PRKCA: variants seen among roughly 807,000 people sequenced by gnomAD.
PRKCA encodes protein kinase C alpha type.
In PRKCA, 27 loss-of-function variants were observed where a neutral mutation model predicts 87.0. That is an observed-to-expected ratio of 0.31 (90% CI 0.23 to 0.43). PRKCA has a LOEUF of 0.43. PRKCA is among the 20% of genes least tolerant of loss of function. PRKCA has a pLI of 1.00. For synonymous variants in PRKCA, 329 were observed against 311.1 expected (o/e 1.06, Z -0.61); for missense variants, 518 against 852.3 (o/e 0.61, Z 4.88).
At chr17:66,677,256 T>G (rs1225035084) in intron 5 of PRKCA, 2 of 152,102 alleles carry the variant, frequency 1.3e-5, no homozygotes, top group Admixed American at 1.3e-4. Flanking sequence ...ATTATTTGTA[T>G]TTTAATAGAG....
intron 2 of PRKCA, among the ~76,000 whole-genome samples, chr17:66,387,338 G>A (rs1002171228): frequency 6.6e-6 from 1 of 152,084 alleles, no homozygotes; most frequent in Non-Finnish European, 1.5e-5. Flanking sequence ...TCTGTCACAG[G>A]GTCAGATCAC....
chr17:66,443,738 A>G (rs1424523541), intron 2 of PRKCA, among the ~76,000 whole-genome samples: 3 of 132,238 alleles, frequency 2.3e-5, no homozygotes, highest in Admixed American at 1.7e-4. Flanking sequence ...ACCGCAGAGG[A>G]TGGAGGAAAG....
intron 3 of PRKCA, among the ~76,000 whole-genome samples, chr17:66,608,820 A>T (rs1970277145): frequency 6.6e-6 from 1 of 152,204 alleles, no homozygotes; most frequent in South Asian, 2.1e-4. Flanking sequence ...GGTAATGGGT[A>T]CTTAGGGATC....
At chr17:66,590,870 C>T (rs964036156) in intron 3 of PRKCA, among the ~76,000 whole-genome samples, 7 of 151,912 alleles carry the variant, frequency 4.6e-5, no homozygotes, top group East Asian at 1.9e-4. Flanking sequence ...AAGTGGATGC[C>T]GGTCCTGAAA....
intron 3 of PRKCA, among the ~76,000 whole-genome samples, chr17:66,592,950 A>T (rs140681202): frequency 1.0e-3 from 159 of 152,026 alleles, no homozygotes; most frequent in Non-Finnish European, 1.9e-3. Flanking sequence ...GTGCCACCAC[A>T]CTCAGATAAT....
chr17:66,366,480 G>A (rs1908733833), intron 2 of PRKCA, among the ~76,000 whole-genome samples: 1 of 152,302 alleles, frequency 6.6e-6, no homozygotes, highest in East Asian at 1.9e-4. Context: ...AGGCGATTGG[G>A]CAGTTTTGTT....
At chr17:66,384,171 C>T (rs890220992) in intron 2 of PRKCA, among the ~76,000 whole-genome samples, 9 of 152,044 alleles carry the variant, frequency 5.9e-5, no homozygotes, top group Non-Finnish European at 8.8e-5. Context: ...AAACTTCTGC[C>T]CGCACTTTAG....
At chr17:66,649,694 A>G (rs1008203486) in intron 5 of PRKCA, among the ~76,000 whole-genome samples, 3 of 152,222 alleles carry the variant, frequency 2.0e-5, no homozygotes, top group South Asian at 2.1e-4. Context: ...TGAACCCACA[A>G]TCAGCACCCC....
chr17:66,425,357 G>A (rs1456032051), intron 2 of PRKCA, among the ~76,000 whole-genome samples: 1 of 151,918 alleles, frequency 6.6e-6, no homozygotes, highest in Non-Finnish European at 1.5e-5. Context: ...CAGGCTTACT[G>A]TCCTCACTTT....
intron 3 of PRKCA, among the ~76,000 whole-genome samples, chr17:66,621,901 G>A (rs1196538590): frequency 2.6e-5 from 4 of 152,308 alleles, no homozygotes; most frequent in Middle Eastern, 3.4e-3. Context: ...GAAGAAAAGG[G>A]TCTTTAAAAA....
At chr17:66,451,343 A>AATTAATTTGTTT (rs146230545) in intron 2 of PRKCA, among the ~76,000 whole-genome samples, 1 of 144,872 alleles carries the variant, frequency 6.9e-6, no homozygotes, top group Admixed American at 6.8e-5. Flanking sequence ...ACGGAGTTAG[A>AATTAATTTGTTT]ATTTATTTAT....
intron 2 of PRKCA, among the ~76,000 whole-genome samples, chr17:66,311,548 T>C (rs1216553108): frequency 6.6e-6 from 1 of 152,004 alleles, no homozygotes; most frequent in Non-Finnish European, 1.5e-5. Context: ...GCCTGGGAGG[T>C]CGAGGATGCA....
At chr17:66,581,220 A>C (rs1969420564) in intron 3 of PRKCA, among the ~76,000 whole-genome samples, 1 of 152,210 alleles carries the variant, frequency 6.6e-6, no homozygotes. Flanking sequence ...GCCAAGGGCC[A>C]GCTAGTAAAT....
intron 13 of PRKCA, among the ~76,000 whole-genome samples, chr17:66,761,100 A>C (rs1017323369): frequency 1.8e-4 from 28 of 152,194 alleles, no homozygotes; most frequent in African/African-American, 6.3e-4. Flanking sequence ...GGCTGGGCGC[A>C]GTGGCTCACA....
At chr17:66,643,135 A>G (rs1000429602) in intron 4 of PRKCA, among the ~76,000 whole-genome samples, 6 of 152,216 alleles carry the variant, frequency 3.9e-5, no homozygotes, top group African/African-American at 1.4e-4. Context: ...GTGCATATGT[A>G]AATATATTTT....
chr17:66,665,021 A>C (rs960758602), intron 5 of PRKCA, among the ~76,000 whole-genome samples: 2 of 152,022 alleles, frequency 1.3e-5, no homozygotes, highest in African/African-American at 4.8e-5. Flanking sequence ...CAGGATTTTT[A>C]TGGGTCTTAT....
chr17:66,437,201 A>G (rs1913442399), intron 2 of PRKCA, among the ~76,000 whole-genome samples: 1 of 152,182 alleles, frequency 6.6e-6, no homozygotes, highest in Non-Finnish European at 1.5e-5. Context: ...CAGAGGAGAA[A>G]GGCCCTGCTG....
At chr17:66,716,550 C>T (rs185060239) in intron 8 of PRKCA, among the ~76,000 whole-genome samples, 3 of 152,070 alleles carry the variant, frequency 2.0e-5, no homozygotes, top group Admixed American at 1.3e-4. Flanking sequence ...GGGGAGAACG[C>T]GGTACAAGGG....
chr17:66,463,002 T>C (rs1288677273), intron 2 of PRKCA, among the ~76,000 whole-genome samples: 1 of 151,970 alleles, frequency 6.6e-6, no homozygotes, highest in Non-Finnish European at 1.5e-5. Context: ...TAATAAATTA[T>C]TTCCCCAGAA....
Sources: gnomAD v4.1 joint callset for allele counts (sites outside exome capture counted in the v4.1 genomes callset) on GRCh38, gnomAD v4.1.1 for gene constraint, MANE v1.5 for transcripts, NCBI Gene and HGNC (gene_info 2026-07-23, HGNC 2026-07-21) for gene names.